Variants in CDH19 observed in about 807,000 individuals in gnomAD.
CDH19 encodes the protein cadherin-19.
CDH19 carries 67 observed loss-of-function variants against 64.2 expected under a neutral mutation model. The observed-to-expected ratio is 1.04, with a 90% confidence interval of 0.86 to 1.28. The LOEUF is 1.28. Ranked by LOEUF, CDH19 falls within the 50% of genes most tolerant of loss-of-function variation. The pLI is 0.00. For missense variants in CDH19, 1,030 were observed against 929.0 expected (o/e 1.11, Z -1.41); for synonymous variants, 346 against 319.3 (o/e 1.08, Z -0.89).
intron 3 of CDH19, among the ~76,000 whole-genome samples, chr18:66,565,140 T>C (rs962532993): frequency 6.6e-6 from 1 of 151,952 alleles, no homozygotes; most frequent in African/African-American, 2.4e-5. Flanking sequence ...CTTATATTTT[T>C]GGATGGCAGA....
chr18:66,504,776 C>T lies in CDH19; in HGVS notation c.*36G>A, dbSNP rs1485564818. On this transcript the variant is annotated 3_prime_UTR_variant, in exon 12 of 12. Transcript: ENST00000262150. ...AAGACTACCATTGGGTTCGAATACA[C>T]ATTAGCACTTTTAAAAATTTTGATG... 4 of 1,562,680 alleles carry T rather than the reference C, an allele frequency of 2.6e-6. No individual in the cohort carries two copies. Among genetic ancestry groups the T allele is most frequent in the Non-Finnish European group, 3.5e-6 (4 of 1,151,672 alleles).
chr18:66,542,468 T>C (rs1209670598), intron 7 of CDH19, among the ~76,000 whole-genome samples: 6 of 152,152 alleles, frequency 3.9e-5, no homozygotes, highest in African/African-American at 1.2e-4. Flanking sequence ...AACCAGACTA[T>C]ACCTCAACTA....
At chr18:66,521,922 TTGTTG>T (rs754397143) in intron 9 of CDH19, among the ~76,000 whole-genome samples, 33,689 of 108,988 alleles carry the variant, frequency 0.31, 4,142 homozygotes, top group Middle Eastern at 0.35. Flanking sequence ...TGTTCTGTTG[TTGTTG>T]TTGTTGTTGT....
At chr18:66,587,487 TA>T (rs1030527953) in intron 1 of CDH19, among the ~76,000 whole-genome samples, 19 of 151,684 alleles carry the variant, frequency 1.3e-4, no homozygotes, top group Admixed American at 7.9e-4. Flanking sequence ...ATAAAACAAA[TA>T]AAAAAAAGAA....
At position 66,558,470 on chromosome 18, in the gene CDH19, G is replaced by C. The variant is rs1014734530; in HGVS notation, c.491-3946C>G. ...TTTCTATGTTTTTAAAGAGAATTAA[G>C]CCTGTATGTTTTCCTAATGAGTAAC... is the stretch of plus-strand genomic sequence containing the variant. On this transcript the variant is annotated intron_variant, in intron 3 of 11. Transcript: ENST00000262150. Among the ~76,000 whole-genome samples the C allele has an allele frequency of 2.0e-5, 3 of 151,714 alleles. No individual in the cohort carries two copies. The Admixed American group carries it at 2.0e-4, about 10-fold the overall frequency.
chr18:66,590,158 G>T (rs1412324701), intron 1 of CDH19, among the ~76,000 whole-genome samples: 1 of 151,744 alleles, frequency 6.6e-6, no homozygotes, highest in Non-Finnish European at 1.5e-5. Flanking sequence ...CCACTCCACA[G>T]CTACTGATTC....
chr18:66,593,547 G>T lies in CDH19; in HGVS notation c.-113+10407C>A, dbSNP rs557690212. Reference sequence around the variant, plus strand: ...AACTTAGTAGTCGAAAAAACCTCAGGGTATCAAGAAAGTAGAGTTCTACAT... The same window carrying T: ...AACTTAGTAGTCGAAAAAACCTCAGTGTATCAAGAAAGTAGAGTTCTACAT... On this transcript the variant is annotated intron_variant, in intron 1 of 11. Coordinates refer to ENST00000262150, the MANE Select transcript of CDH19 (RefSeq NM_021153.4). 1.8e-4 allele frequency among the ~76,000 whole-genome samples: 27 copies of T among 151,552 alleles called. No individual in the cohort carries two copies. The South Asian group carries it at 5.4e-3, about 30-fold the overall frequency.
Position 66,509,154 on chromosome 18 carries a change from T to G in CDH19, c.1669A>C (p.Ile557Leu). 2 of 1,613,000 alleles carry G rather than the reference T, an allele frequency of 1.2e-6. No homozygotes were observed. Among genetic ancestry groups the G allele is most frequent in the Non-Finnish European group, 1.7e-6 (2 of 1,179,292 alleles). Reference protein sequence around the residue: ...YISILIADNGIPSLTSTNTLT... With the variant: ...YISILIADNGLPSLTSTNTLT... ...GTGTTTGTACTTGTAAGTGACGGGA[T>G]TCCATTGTCGGCAATTAAGATGGAG... Residue 557 changes from isoleucine to leucine, a missense_variant, in exon 11 of 12, where the codon ATC becomes CTC. By Grantham distance (5) the Ile-to-Leu change is conservative. Transcript: ENST00000262150.
At chr18:66,563,009 C>T (rs1987778222) in intron 3 of CDH19, among the ~76,000 whole-genome samples, 1 of 152,098 alleles carries the variant, frequency 6.6e-6, no homozygotes, top group African/African-American at 2.4e-5. Context: ...AGATGTTTAA[C>T]ATGGCTTACA....
chr18:66,510,338 T>C (rs983368890), intron 10 of CDH19, among the ~76,000 whole-genome samples: 3 of 151,084 alleles, frequency 2.0e-5, no homozygotes, highest in Admixed American at 6.6e-5. Context: ...ATTAAATTAC[T>C]TGTGACCACA....
intron 7 of CDH19, among the ~76,000 whole-genome samples, chr18:66,537,058 A>T (rs932659479): frequency 6.6e-6 from 1 of 151,916 alleles, no homozygotes; most frequent in Non-Finnish European, 1.5e-5. Context: ...CATGCTCTTC[A>T]CTCAGCTTTT....
At position 66,505,171 on chromosome 18, in the gene CDH19, A is replaced by C. The variant is rs775892714; in HGVS notation, c.1960T>G (p.Phe654Val). The C allele has an allele frequency of 1.2e-6, 2 of 1,613,396 alleles. No homozygotes were observed. Among genetic ancestry groups the C allele is most frequent in the Admixed American group, 3.3e-5 (2 of 59,962 alleles). ...EGGGEEDTEA[F>V]DIAELRSSTI... The stretch of plus-strand genomic sequence containing the variant: ...CTACTCCTCAGCTCTGCTATATCAA[A>C]GGCCTCTGTATCTTCTTCTCCACCC... Residue 654 changes from phenylalanine (F) to valine (V), a missense_variant, in exon 12 of 12, where the codon TTT becomes GTT. Coordinates refer to ENST00000262150, the MANE Select transcript of CDH19 (RefSeq NM_021153.4).
rs567157861 is a variant in CDH19, at chr18:66,554,899, A to ACACTATACC, written c.491-376_491-375insGGTATAGTG. Reference sequence around the variant, plus strand: ...AGGAACTTGGAAATGCTTTTCACCAAAAATTATAGTGTAGCCTGTACCTTA... The same window carrying ACACTATACC: ...AGGAACTTGGAAATGCTTTTCACCAACACTATACCAAATTATAGTGTAGCCTGTACCTTA... On this transcript the variant is annotated intron_variant, in intron 3 of 11. Transcript: ENST00000262150. Among the ~76,000 whole-genome samples the ACACTATACC allele has an allele frequency of 2.2e-4, 33 of 151,978 alleles. No homozygotes were observed. In the South Asian group the frequency reaches 6.4e-3, roughly 30 times the overall value.
At chr18:66,521,921 G>GTTT (rs1568176671) in intron 9 of CDH19, among the ~76,000 whole-genome samples, 59 of 22,318 alleles carry the variant, frequency 2.6e-3, no homozygotes, top group African/African-American at 4.4e-3. Context: ...TTGTTCTGTT[G>GTTT]TTGTTGTTGT....
At position 66,568,506 on chromosome 18, in the gene CDH19, A is replaced by T; in HGVS notation, c.400T>A (p.Phe134Ile). The T allele has an allele frequency of 6.2e-7, 1 of 1,612,328 alleles. No homozygotes were observed. Among genetic ancestry groups the T allele is most frequent in the Non-Finnish European group, 8.5e-7 (1 of 1,178,922 alleles). ...TTGATATCCGAAACTTTGATGACAA[A>T]CTCAGACTCAGGTTCCACAGCCCTT... is the stretch of plus-strand genomic sequence containing the variant. ...TGRAVEPESEFVIKVSDINDN... is the reference protein window; with the variant it reads ...TGRAVEPESEIVIKVSDINDN... Residue 134 changes from phenylalanine to isoleucine, a missense_variant, in exon 3 of 12, where the codon TTT becomes ATT. Phe to Ile is a conservative substitution (Grantham distance 21). Coordinates refer to ENST00000262150, the MANE Select transcript of CDH19 (RefSeq NM_021153.4).
rs1984993410 is a variant in CDH19 at position 66,502,595 on chromosome 18, A to C, written c.*2217T>G. On this transcript the variant is annotated 3_prime_UTR_variant, in exon 12 of 12. Coordinates refer to ENST00000262150, the MANE Select transcript of CDH19 (RefSeq NM_021153.4). The stretch of plus-strand genomic sequence containing the variant: ...GATTACCTAGCATTCTTTTTAAATA[A>C]AGGAAACAACACTTCATGGAATAAT... 6.6e-6 allele frequency: 1 copy of C among 151,934 alleles called. No individual in the cohort carries two copies. Among genetic ancestry groups the C allele is most frequent in the African/African-American group, 2.4e-5 (1 of 41,432 alleles). 9.4% of individuals were successfully genotyped at this position (151,934 alleles called of 1,614,324 possible).
At chr18:66,589,838 C>T (rs1988691517) in intron 1 of CDH19, among the ~76,000 whole-genome samples, 1 of 151,796 alleles carries the variant, frequency 6.6e-6, no homozygotes, top group African/African-American at 2.4e-5. Flanking sequence ...AATTATATCA[C>T]AGAACCACAT....
intron 2 of CDH19, among the ~76,000 whole-genome samples, chr18:66,570,192 T>A (rs370822741): frequency 1.3e-5 from 2 of 151,620 alleles, no homozygotes; most frequent in South Asian, 4.1e-4. Context: ...TGATAATTTA[T>A]TTGATATTAT....
At position 66,556,486 on chromosome 18, in the gene CDH19, T is replaced by C. The variant is rs2144529961; in HGVS notation, c.491-1962A>G. Among the ~76,000 whole-genome samples the C allele has an allele frequency of 1.3e-5, 2 of 151,958 alleles. 1 individual carries two copies. Reference sequence around the variant, plus strand: ...TCTCTATCTTTCTATATTGAACTTTTTTTAGATTCCACATATAAATAAGAT... The same window carrying C: ...TCTCTATCTTTCTATATTGAACTTTCTTTAGATTCCACATATAAATAAGAT... On this transcript the variant is annotated intron_variant, in intron 3 of 11. Transcript: ENST00000262150.
Sources: allele counts gnomAD v4.1 joint callset (sites outside exome capture counted in the v4.1 genomes callset), GRCh38; gene constraint gnomAD v4.1.1; transcripts MANE v1.5; gene names NCBI Gene and HGNC (gene_info 2026-07-23, HGNC 2026-07-21).